Variants in KCNT2 observed in about 807,000 individuals in gnomAD.
The protein encoded by KCNT2 is potassium sodium-activated channel subfamily T member 2, also known as potassium channel subfamily T member 2.
In KCNT2, 67 loss-of-function variants were observed where a neutral mutation model predicts 153.8. The ratio of observed to expected loss-of-function variants is 0.44; its 90% CI spans 0.36 to 0.53. The LOEUF (loss-of-function observed/expected upper bound fraction) is 0.53, where lower values mean the gene tolerates loss of function less well. KCNT2 is among the 20% of genes least tolerant of loss of function. The probability of loss-of-function intolerance (pLI) is 0.00; values close to 1 mark genes in which losing one functional copy is unlikely to be tolerated. For synonymous variants in KCNT2, 500 were observed against 458.8 expected, an observed-to-expected ratio of 1.09 and a Z score of -1.15; for missense variants, 975 against 1,354.8, an observed-to-expected ratio of 0.72 and a Z score of 4.40.
intron 26 of KCNT2, among the ~76,000 whole-genome samples, chr1:196,249,185 AG>A (rs1655728544): frequency 6.6e-6 from 1 of 152,144 alleles, no homozygotes; most frequent in Non-Finnish European, 1.5e-5. Context: ...ACAGATGCAC[AG>A]TTGGTATCAT....
chr1:196,243,291 A>G (rs1655123479), intron 26 of KCNT2, among the ~76,000 whole-genome samples: 4 of 152,218 alleles, frequency 2.6e-5, no homozygotes, highest in Admixed American at 1.3e-4. Context: ...GAGGTGAAGC[A>G]AGATGACCAA....
intron 1 of KCNT2, among the ~76,000 whole-genome samples, chr1:196,591,080 C>G (rs967897712): frequency 1.3e-5 from 2 of 151,986 alleles, no homozygotes; most frequent in Non-Finnish European, 2.9e-5. Context: ...AGAATGATCC[C>G]CAATGTTGGA....
chr1:196,351,467 T>C (rs1302212760), intron 14 of KCNT2, among the ~76,000 whole-genome samples: 1 of 150,056 alleles, frequency 6.7e-6, no homozygotes, highest in Non-Finnish European at 1.5e-5. Flanking sequence ...TTTGAAGCAA[T>C]TGTGAATGGG....
rs1676163056 is a variant in KCNT2, at chr1:196,451,296, A to G, written c.638+13997T>C. ...CTCACTCTGTTGCCCAGGCTGGAGT[A>G]CAGACACAATCTCAGCTCACTGCAA... On this transcript the variant is annotated intron_variant, in intron 8 of 27. Transcript: ENST00000294725. Among the ~76,000 whole-genome samples, 2 of 122,760 alleles carry G rather than the reference A, an allele frequency of 1.6e-5. 1 individual carries two copies. Among genetic ancestry groups the G allele is most frequent in the Non-Finnish European group, 3.2e-5 (2 of 62,112 alleles). 80.5% of individuals were successfully genotyped at this position (122,760 alleles called of 152,430 possible). A position where few individuals can be genotyped will look rare whatever the true frequency, so the allele number is the denominator to read the frequency against.
chr1:196,246,649 G>A (rs1290978980), intron 26 of KCNT2, among the ~76,000 whole-genome samples: 1 of 151,932 alleles, frequency 6.6e-6, no homozygotes, highest in Non-Finnish European at 1.5e-5. Context: ...GTAGAGTTTT[G>A]GTTACTTTTC....
At chr1:196,580,470 TA>T (rs917885788) in intron 1 of KCNT2, among the ~76,000 whole-genome samples, 4 of 152,160 alleles carry the variant, frequency 2.6e-5, no homozygotes, top group African/African-American at 9.7e-5. Context: ...AGAAAGGCTT[TA>T]TAGTTCTACC....
At chr1:196,409,771 A>T (rs190137759) in intron 12 of KCNT2, among the ~76,000 whole-genome samples, 54 of 151,808 alleles carry the variant, frequency 3.6e-4, no homozygotes, top group African/African-American at 1.1e-3. Context: ...GAGTACAGAC[A>T]TCTCTTTCGC....
At chr1:196,452,219 T>A (rs1676276143) in intron 8 of KCNT2, among the ~76,000 whole-genome samples, 1 of 152,002 alleles carries the variant, frequency 6.6e-6, no homozygotes, top group Admixed American at 6.6e-5. Flanking sequence ...TCCAGTAATA[T>A]CACTAATCCC....
At position 196,394,354 on chromosome 1, in the gene KCNT2, G is replaced by A. The variant is rs140230045; in HGVS notation, c.1294+4209C>T. On this transcript the variant is annotated intron_variant, in intron 13 of 27. Coordinates refer to ENST00000294725, the MANE Select transcript of KCNT2 (RefSeq NM_198503.5). ...GCCTAAAGTGAGAGATGATAATGGCGTAGACTAGGGTTGTGATGCCGCTGT... is the reference window on the plus strand; with the variant it reads ...GCCTAAAGTGAGAGATGATAATGGCATAGACTAGGGTTGTGATGCCGCTGT... Among the ~76,000 whole-genome samples the A allele has an allele frequency of 2.0e-3, 308 of 151,710 alleles. 5 individuals are homozygous for A. The highest frequency in any genetic ancestry group is 5.8e-3 in the African/African-American group (242 of 41,478).
At chr1:196,587,516 T>C (rs963861114) in intron 1 of KCNT2, among the ~76,000 whole-genome samples, 2 of 152,042 alleles carry the variant, frequency 1.3e-5, no homozygotes, top group Non-Finnish European at 2.9e-5. Context: ...ATTCACAAGA[T>C]ATTATCATTT....
intron 14 of KCNT2, among the ~76,000 whole-genome samples, chr1:196,363,983 C>T (rs959207798): frequency 6.6e-6 from 1 of 151,844 alleles, no homozygotes; most frequent in East Asian, 1.9e-4. Flanking sequence ...TATACTGATT[C>T]CAATCTCATC....
Position 196,305,168 on chromosome 1 carries a change from A to T in KCNT2, c.2595+66T>A. The T allele has an allele frequency of 3.2e-6, 3 of 930,830 alleles. No individual in the cohort carries two copies. In the Admixed American group the frequency reaches 5.6e-5, roughly 17 times the overall value. 57.7% of individuals were successfully genotyped at this position (930,830 alleles called of 1,614,324 possible). A position where few individuals can be genotyped will look rare whatever the true frequency, so the allele number is the denominator to read the frequency against. On this transcript the variant is annotated intron_variant, in intron 22 of 27. Transcript: ENST00000294725. ...CTATCTCATGGCATTTTTTTTATAT[A>T]TTTACAGAGTTAATTTCTGAATAAA... is the stretch of plus-strand genomic sequence containing the variant.
intron 1 of KCNT2, among the ~76,000 whole-genome samples, chr1:196,510,566 T>C (rs989597890): frequency 2.6e-5 from 4 of 152,248 alleles, no homozygotes; most frequent in Non-Finnish European, 5.9e-5. Flanking sequence ...GGATACAATT[T>C]ATTTACACAA....
intron 25 of KCNT2, among the ~76,000 whole-genome samples, chr1:196,264,419 T>C (rs1657322208): frequency 6.6e-6 from 1 of 152,054 alleles, no homozygotes; most frequent in Non-Finnish European, 1.5e-5. Flanking sequence ...GAAATTTAAG[T>C]CTTCTCCATC....
chr1:196,358,270 A>G (rs1433895890), intron 14 of KCNT2, among the ~76,000 whole-genome samples: 1 of 151,420 alleles, frequency 6.6e-6, no homozygotes, highest in Non-Finnish European at 1.5e-5. Context: ...TCACTCTTTT[A>G]ATTTCAACAG....
intron 1 of KCNT2, among the ~76,000 whole-genome samples, chr1:196,499,909 C>G (rs1169666213): frequency 6.6e-6 from 1 of 151,852 alleles, no homozygotes; most frequent in South Asian, 2.1e-4. Context: ...TTTGGAAGGC[C>G]GAGGCAGGTG....
chr1:196,271,748 T>C (rs1283764276), intron 25 of KCNT2, among the ~76,000 whole-genome samples: 1 of 152,030 alleles, frequency 6.6e-6, no homozygotes, highest in Non-Finnish European at 1.5e-5. Flanking sequence ...TGTTTGTGTG[T>C]GCCTATCTGT....
intron 21 of KCNT2, among the ~76,000 whole-genome samples, chr1:196,311,511 C>T (rs1223974230): frequency 2.0e-5 from 3 of 151,812 alleles, no homozygotes; most frequent in African/African-American, 7.3e-5. Flanking sequence ...AGCTAAAGTT[C>T]AGAAAACAAA....
intron 1 of KCNT2, among the ~76,000 whole-genome samples, chr1:196,603,451 T>C (rs1164163195): frequency 1.3e-5 from 2 of 152,150 alleles, no homozygotes; most frequent in Non-Finnish European, 1.5e-5. Context: ...AATATGTCAA[T>C]ACAAAACCCA....
Sources: allele counts gnomAD v4.1 joint callset (sites outside exome capture counted in the v4.1 genomes callset), GRCh38; gene constraint gnomAD v4.1.1; transcripts MANE v1.5; gene names NCBI Gene and HGNC (gene_info 2026-07-23, HGNC 2026-07-21).